The following SFTPC variants were observed in gnomAD, a reference collection of about 807,000 sequenced individuals.
SFTPC encodes the protein BRICHOS domain containing 6.
Under a neutral mutation model 19.9 loss-of-function variants are expected in SFTPC, and 12 were observed. The ratio of observed to expected loss-of-function variants is 0.60; its 90% CI spans 0.39 to 0.98. The LOEUF is 0.98. SFTPC is among the 50% of genes least tolerant of loss of function. The pLI, the probability that SFTPC is intolerant of heterozygous loss-of-function variation, is 0.00. For synonymous variants in SFTPC, 123 were observed against 103.3 expected (o/e 1.19, Z -1.16); for missense variants, 219 against 252.2 (o/e 0.87, Z 0.89).
upstream of SFTPC, chr8:22,159,372 T>G: frequency 4.5e-6 from 1 of 224,644 alleles, no homozygotes; most frequent in South Asian, 5.2e-5. Flanking sequence ...AGAAACGGCT[T>G]AAGTACAGGC....
chr8:22,164,277 G>C lies in SFTPC; in HGVS notation c.*30G>C. 6.5e-7 allele frequency: 1 copy of C among 1,536,216 alleles called. No homozygotes were observed. The highest frequency in any genetic ancestry group is 8.7e-7 in the Non-Finnish European group (1 of 1,146,914). On this transcript the variant is annotated 3_prime_UTR_variant, in exon 6 of 6. Transcript: ENST00000679463. Reference sequence around the variant, plus strand: ...CCTTTGCTTCACAGGGTCAGTGGAAGCCCCAACGGGAAAGGAAACGCCCCG... The same window carrying C: ...CCTTTGCTTCACAGGGTCAGTGGAACCCCCAACGGGAAAGGAAACGCCCCG...
At chr8:22,162,280 A>C (rs1261220974) in intron 1 of SFTPC, among the ~76,000 whole-genome samples, 6 of 152,084 alleles carry the variant, frequency 3.9e-5, no homozygotes, top group Admixed American at 3.9e-4. Context: ...TTGGGGAGAG[A>C]GAGGGGCTGA....
At chr8:22,161,590 C>A, upstream of SFTPC, 1 of 1,310,996 alleles carries the variant, frequency 7.6e-7, no homozygotes, top group Non-Finnish European at 1.0e-6. Context: ...CCCAGGTTTG[C>A]TCTTGCTGGG....
At position 22,164,066 on chromosome 8, in the gene SFTPC, T is replaced by A; in HGVS notation, c.*18+7T>A. ...GGACGCCTCCGGTGAGCAGGTGTGA[T>A]CCCAGGGCCCCTGATCAGCAGCGGA... On this transcript the variant is annotated splice_region_variant and intron_variant, in intron 5 of 5. Transcript: ENST00000679463. 1 of 1,611,616 alleles carries A rather than the reference T, an allele frequency of 6.2e-7. No homozygotes were observed. Among genetic ancestry groups the A allele is most frequent in the Non-Finnish European group, 8.5e-7 (1 of 1,179,968 alleles).
upstream of SFTPC, among the ~76,000 whole-genome samples, chr8:22,160,244 C>A (rs1827662903): frequency 2.0e-5 from 3 of 152,130 alleles, no homozygotes; most frequent in South Asian, 6.2e-4. Context: ...GACAGGGGAA[C>A]CTGCCAGCTC....
upstream of SFTPC, chr8:22,159,771 C>A: frequency 2.3e-6 from 3 of 1,289,580 alleles, no homozygotes; most frequent in Non-Finnish European, 3.0e-6. Flanking sequence ...CATGGCCCCC[C>A]GAGATGCCCA....
At position 22,164,002 on chromosome 8, in the gene SFTPC, G is replaced by T; in HGVS notation, c.537G>T (p.Val179=). Residue 179 remains valine, a synonymous_variant, in exon 5 of 6, where the codon GTG becomes GTT. Transcript: ENST00000679463. ...ACCCGGCCTTCCTGGGCATGGCCGT[G>T]AGCACCCTGTGTGGCGAGGTGCCGC... The part of the protein sequence containing the change: ...GGDPAFLGMA[V]STLCGEVPLY... 1 of 1,612,504 alleles carries T rather than the reference G, an allele frequency of 6.2e-7. No individual in the cohort carries two copies. Among genetic ancestry groups the T allele is most frequent in the Non-Finnish European group, 8.5e-7 (1 of 1,180,020 alleles).
At chr8:22,162,082 G>A (rs76453217) in intron 1 of SFTPC, among the ~76,000 whole-genome samples, 18 of 152,096 alleles carry the variant, frequency 1.2e-4, no homozygotes, top group Non-Finnish European at 2.2e-4. Flanking sequence ...ATAGGGGTCC[G>A]TAGAAAGGGC....
rs367579494 is a variant in SFTPC at position 22,162,849 on chromosome 8, G to C, written c.201+117G>C. On this transcript the variant is annotated intron_variant, in intron 2 of 5. Coordinates refer to ENST00000679463, the MANE Select transcript of SFTPC (RefSeq NM_001317778.2). Reference sequence around the variant, plus strand: ...TGGAGGGGAGGAGGCAAGGGGCACAGCTAGAAGGAAAGAGGCACGAACCAG... The same window carrying C: ...TGGAGGGGAGGAGGCAAGGGGCACACCTAGAAGGAAAGAGGCACGAACCAG... 11 of 1,441,298 alleles carry C rather than the reference G, an allele frequency of 7.6e-6. No homozygotes were observed. The African/African-American group carries it at 1.3e-4, about 16-fold the overall frequency. The allele number at this position is 1,441,298 out of a possible 1,614,324, so 89.3% of individuals were successfully genotyped here.
chr8:22,162,122 A>T (rs368022741), intron 1 of SFTPC, among the ~76,000 whole-genome samples: 8 of 152,150 alleles, frequency 5.3e-5, no homozygotes, highest in Admixed American at 3.9e-4. Flanking sequence ...GTCAGAAGCC[A>T]TGAGAAACTT....
chr8:22,157,888 T>C (rs1212576177), upstream of SFTPC, among the ~76,000 whole-genome samples: 2 of 152,180 alleles, frequency 1.3e-5, no homozygotes, highest in African/African-American at 4.8e-5. Flanking sequence ...ACTGATATTT[T>C]AAATTCACAT....
upstream of SFTPC, chr8:22,157,445 C>T (rs568973938): frequency 2.4e-5 from 4 of 166,516 alleles, no homozygotes; most frequent in South Asian, 3.7e-4. Flanking sequence ...ATCGCAAGTG[C>T]TCTGTACTTT....
chr8:22,164,438 C>A lies in SFTPC; in HGVS notation c.*191C>A. On this transcript the variant is annotated 3_prime_UTR_variant, in exon 6 of 6. Coordinates refer to ENST00000679463, the MANE Select transcript of SFTPC (RefSeq NM_001317778.2). ...GAGGTGGCGCCCAGGGGCCCGGGAA[C>A]TCCTGCCACAACAGAATAAAGCAGC... 6.7e-7 allele frequency: 1 copy of A among 1,487,086 alleles called. No homozygotes were observed. The highest frequency in any genetic ancestry group is 2.5e-5 in the East Asian group (1 of 40,530). The allele number at this position is 1,487,086 out of a possible 1,614,324, so 92.1% of individuals were successfully genotyped here.
intron 5 of SFTPC, 79 bp from the exon 6 acceptor site, chr8:22,164,187 G>C: frequency 6.5e-7 from 1 of 1,535,888 alleles, no homozygotes; most frequent in Non-Finnish European, 8.7e-7. Flanking sequence ...GGCAACTCGG[G>C]GGAGGGGAAG....
intron 1 of SFTPC, 41 bp downstream of exon 1, chr8:22,161,911 A>C: frequency 6.3e-7 from 1 of 1,599,656 alleles, no homozygotes; most frequent in Non-Finnish European, 8.6e-7. Context: ...GTGCGCGCGC[A>C]CATGTGTGTG....
chr8:22,160,157 G>A (rs8192337), upstream of SFTPC, among the ~76,000 whole-genome samples: 1,751 of 152,328 alleles, frequency 0.011, 14 homozygotes, highest in Middle Eastern at 0.034. Flanking sequence ...TCCTCCCTGC[G>A]CTTCTCAGGG....
At chr8:22,158,321 TG>T (rs903566740), upstream of SFTPC, among the ~76,000 whole-genome samples, 1 of 152,102 alleles carries the variant, frequency 6.6e-6, no homozygotes, top group Non-Finnish European at 1.5e-5. Flanking sequence ...CATGCCAGCT[TG>T]GGGGGAGGGA....
upstream of SFTPC, chr8:22,159,942 G>A: frequency 1.2e-6 from 1 of 839,196 alleles, no homozygotes; most frequent in Non-Finnish European, 1.7e-6. Context: ...GGCACTGCAG[G>A]CGAGCTGTCT....
At chr8:22,159,933 G>C, upstream of SFTPC, 1 of 858,662 alleles carries the variant, frequency 1.2e-6, no homozygotes, top group Non-Finnish European at 1.7e-6. Context: ...GCAGGGGTGG[G>C]CACTGCAGGC....
Sources: gnomAD v4.1 joint callset for allele counts (sites outside exome capture counted in the v4.1 genomes callset) on GRCh38, gnomAD v4.1.1 for gene constraint, MANE v1.5 for transcripts, NCBI Gene and HGNC (gene_info 2026-07-23, HGNC 2026-07-21) for gene names.